COX16: variants seen among roughly 807,000 people sequenced by gnomAD.
COX16 encodes the protein cytochrome c oxidase assembly factor COX16.
Under a neutral mutation model 15.4 loss-of-function variants are expected in COX16, and 12 were observed. The observed-to-expected ratio is 0.78, with a 90% confidence interval of 0.50 to 1.26. The LOEUF is 1.26. Among genes scored for constraint, COX16 ranks in the 50% most tolerant of loss-of-function variants. The pLI, the probability that COX16 is intolerant of heterozygous loss-of-function variation, is 0.00. For synonymous variants in COX16, 46 were observed against 41.1 expected (o/e 1.12, Z -0.46); for missense variants, 124 against 127.6 (o/e 0.97, Z 0.14).
rs748466216 is a variant in COX16 at position 70,326,550 on chromosome 14, C to T, written c.205-101G>A. On this transcript the variant is annotated intron_variant, in intron 3 of 3. Coordinates refer to ENST00000389912, the MANE Select transcript of COX16 (RefSeq NM_016468.7). Reference sequence around the variant, plus strand: ...AATGAATAAATGAGTAGAAAGTATCCGATAGGTCCTCGATTACAACTGTAG... The same window carrying T: ...AATGAATAAATGAGTAGAAAGTATCTGATAGGTCCTCGATTACAACTGTAG... 1.7e-5 allele frequency: 13 copies of T among 777,456 alleles called. 1 individual carries two copies. Among genetic ancestry groups the T allele is most frequent in the South Asian group, 1.1e-4 (3 of 26,396 alleles). The allele number at this position is 777,456 out of a possible 1,614,324, so 48.2% of individuals were successfully genotyped here.
At chr14:70,338,581 C>T (rs1401866520) in intron 2 of COX16, among the ~76,000 whole-genome samples, 1 of 152,156 alleles carries the variant, frequency 6.6e-6, no homozygotes, top group African/African-American at 2.4e-5. Flanking sequence ...TACCAGTCCC[C>T]CTTTTGTTCA....
At chr14:70,349,473 C>T (rs914336706) in intron 1 of COX16, among the ~76,000 whole-genome samples, 9 of 152,296 alleles carry the variant, frequency 5.9e-5, no homozygotes, top group Non-Finnish European at 1.2e-4. Flanking sequence ...CCATCCAGTC[C>T]GATACAGGCC....
intron 2 of COX16, among the ~76,000 whole-genome samples, chr14:70,334,081 TAAAG>T (rs1886371277): frequency 1.3e-5 from 2 of 152,202 alleles, no homozygotes; most frequent in South Asian, 2.1e-4. Context: ...AAAGAAATGC[TAAAG>T]AGAGTTCTTC....
At chr14:70,329,082 A>G (rs1886190932) in intron 3 of COX16, 92 bp downstream of exon 3, 9 of 1,185,258 alleles carry the variant, frequency 7.6e-6, no homozygotes, top group African/African-American at 1.6e-5. Flanking sequence ...TATATATTCA[A>G]CGTAATTTTT....
intron 1 of COX16, among the ~76,000 whole-genome samples, chr14:70,355,911 C>T (rs1887110569): frequency 6.6e-6 from 1 of 151,950 alleles, no homozygotes; most frequent in Admixed American, 6.6e-5. Flanking sequence ...CCCTTGAGAG[C>T]TGGTTGTCAA....
Position 70,335,173 on chromosome 14 carries a change from A to G in COX16, c.142-5937T>C, listed in dbSNP as rs141320229. ...ATATAACAACAGTAAATATATATGC[A>G]CCCAACAGCTGAGCACCCAGATATA... On this transcript the variant is annotated intron_variant, in intron 2 of 3. Transcript: ENST00000389912. Among the ~76,000 whole-genome samples, 213 of 152,372 alleles carry G rather than the reference A, an allele frequency of 1.4e-3. 3 individuals carry two copies. The highest frequency in any genetic ancestry group is 4.9e-3 in the African/African-American group (202 of 41,594).
At chr14:70,331,415 G>GA (rs200798970) in intron 2 of COX16, among the ~76,000 whole-genome samples, 2,304 of 151,630 alleles carry the variant, frequency 0.015, 33 homozygotes, top group African/African-American at 0.035. Flanking sequence ...AAAATAGTAG[G>GA]AAAAAAACCC....
chr14:70,351,073 C>G (rs1382852362), intron 1 of COX16, among the ~76,000 whole-genome samples: 1 of 152,152 alleles, frequency 6.6e-6, no homozygotes, highest in Non-Finnish European at 1.5e-5. Flanking sequence ...ATGACTGAAG[C>G]CATTCTTCAA....
intron 2 of COX16, 138 bp from the exon 3 acceptor site, chr14:70,329,374 G>T: frequency 4.9e-6 from 3 of 609,826 alleles, no homozygotes; most frequent in Non-Finnish European, 8.1e-6. Context: ...CATCTACTCT[G>T]ATCACATAAT....
intron 2 of COX16, among the ~76,000 whole-genome samples, chr14:70,334,651 T>C (rs185715603): frequency 1.3e-5 from 2 of 152,364 alleles, no homozygotes; most frequent in Admixed American, 1.3e-4. Flanking sequence ...TAAGTTGTTA[T>C]ATCTATAGGA....
At chr14:70,339,897 T>C (rs903537337) in intron 2 of COX16, among the ~76,000 whole-genome samples, 12 of 131,456 alleles carry the variant, frequency 9.1e-5, no homozygotes, top group East Asian at 3.9e-4. Context: ...CCATCCTCCT[T>C]CTTTTAACCT....
chr14:70,352,108 T>A (rs543378725), intron 1 of COX16, among the ~76,000 whole-genome samples: 1 of 152,224 alleles, frequency 6.6e-6, no homozygotes, highest in Admixed American at 6.5e-5. Context: ...AATATTTATT[T>A]AAGAAGTGAA....
At chr14:70,329,470 ATATAT>A (rs1886209865) in intron 2 of COX16, among the ~76,000 whole-genome samples, 1 of 152,102 alleles carries the variant, frequency 6.6e-6, no homozygotes, top group South Asian at 2.1e-4. Flanking sequence ...GCATTTTGAC[ATATAT>A]TATCTTGTTT....
intron 2 of COX16, among the ~76,000 whole-genome samples, chr14:70,339,742 A>G (rs751987999): frequency 3.3e-5 from 5 of 152,018 alleles, no homozygotes; most frequent in Admixed American, 2.0e-4. Flanking sequence ...CTGGAACTCA[A>G]CCTCACCCAA....
intron 2 of COX16, among the ~76,000 whole-genome samples, chr14:70,338,795 C>T (rs541938796): frequency 6.6e-6 from 1 of 152,314 alleles, no homozygotes; most frequent in African/African-American, 2.4e-5. Flanking sequence ...TTTATAAGTA[C>T]TTGCCTGCCT....
At chr14:70,331,820 A>G (rs201595793) in intron 2 of COX16, among the ~76,000 whole-genome samples, 1 of 13,314 alleles carries the variant, frequency 7.5e-5, no homozygotes, top group South Asian at 3.0e-3. Context: ...AATGTTCAGG[A>G]TGTCACCAAG....
intron 1 of COX16, among the ~76,000 whole-genome samples, chr14:70,355,708 T>C (rs752884241): frequency 3.3e-5 from 5 of 152,172 alleles, no homozygotes; most frequent in Non-Finnish European, 5.9e-5. Flanking sequence ...ACAAATTCCA[T>C]TGTCATGACA....
At chr14:70,348,445 C>A (rs11622440) in intron 1 of COX16, among the ~76,000 whole-genome samples, 23,122 of 152,146 alleles carry the variant, frequency 0.15, 1,896 homozygotes, top group Middle Eastern at 0.19. Context: ...CTGTTCAAAC[C>A]TTTCTTACAC....
chr14:70,342,514 A>T, intron 2 of COX16, 144 bp downstream of exon 2: 1 of 711,036 alleles, frequency 1.4e-6, no homozygotes, highest in Non-Finnish European at 2.2e-6. Flanking sequence ...CACTAATGTT[A>T]TTTTAAAGAA....
Sources: gnomAD v4.1 joint callset for allele counts (sites outside exome capture counted in the v4.1 genomes callset) on GRCh38, gnomAD v4.1.1 for gene constraint, MANE v1.5 for transcripts, NCBI Gene and HGNC (gene_info 2026-07-23, HGNC 2026-07-21) for gene names.